CDH3: variants seen among roughly 807,000 people sequenced by gnomAD.
CDH3 encodes the protein cadherin-3.
CDH3 carries 54 observed loss-of-function variants against 82.0 expected under a neutral mutation model. The observed-to-expected ratio is 0.66, with a 90% confidence interval of 0.53 to 0.83. CDH3 has a LOEUF of 0.83. CDH3 is among the 40% of genes least tolerant of loss of function. CDH3 has a pLI of 0.00. For synonymous variants in CDH3, 446 were observed against 437.9 expected, an observed-to-expected ratio of 1.02 and a Z score of -0.23; for missense variants, 1,054 against 1,084.6, an observed-to-expected ratio of 0.97 and a Z score of 0.40.
chr16:68,703,462 C>A (rs1453217923), downstream of CDH3, among the ~76,000 whole-genome samples: 1 of 152,200 alleles, frequency 6.6e-6, no homozygotes, highest in East Asian at 1.9e-4. Context: ...CAGCCCACAC[C>A]CTGTGTGTCC....
intron 2 of CDH3, chr16:68,646,238 T>G (rs1383724315): frequency 6.0e-6 from 1 of 167,616 alleles, no homozygotes; most frequent in African/African-American, 2.4e-5. Context: ...CCGCCCCCCT[T>G]CTTCCTCGGC....
intron 7 of CDH3, 62 bp downstream of exon 7, chr16:68,680,036 G>C: frequency 6.6e-7 from 1 of 1,508,082 alleles, no homozygotes; most frequent in Admixed American, 1.7e-5. Flanking sequence ...AACTGACTCT[G>C]AGAGCAGAAG....
chr16:68,683,831 G>T (rs1289748513), intron 9 of CDH3, among the ~76,000 whole-genome samples: 3 of 151,812 alleles, frequency 2.0e-5, no homozygotes, highest in Non-Finnish European at 4.4e-5. Context: ...ACTTTGGGAG[G>T]CCGAGGCAGA....
intron 2 of CDH3, among the ~76,000 whole-genome samples, chr16:68,674,929 AT>A (rs1296024293): frequency 6.6e-6 from 1 of 151,712 alleles, no homozygotes; most frequent in Non-Finnish European, 1.5e-5. Context: ...CCTGGTCAAT[AT>A]GGTGAAACCC....
In CDH3 at chr16:68,698,194, C is replaced by G. The variant is rs769976143; in HGVS notation, c.2284C>G (p.Leu762Val). 3.7e-6 allele frequency: 6 copies of G among 1,614,182 alleles called. No homozygotes were observed. The highest frequency in any genetic ancestry group is 5.1e-6 in the Non-Finnish European group (6 of 1,180,016). Residue 762 changes from leucine (L) to valine (V), a missense_variant, in exon 16 of 16, where the codon CTG becomes GTG. By Grantham distance (32) the Leu-to-Val change is conservative. Transcript: ENST00000264012. ...TACCTGTTCTCTGTTGCCGCAGAAC[C>G]TGAAGGCGGCTAACACAGACCCCAC... ...DEIGNFIIEN[L>V]KAANTDPTAP...
At chr16:68,721,229 CTTTTTTTTT>C (rs71148941) in intron 1 of CDH3, among the ~76,000 whole-genome samples, 1 of 114,586 alleles carries the variant, frequency 8.7e-6, no homozygotes, top group African/African-American at 3.4e-5. Flanking sequence ...GCAGTTTAGT[CTTTTTTTTT>C]TTTTTTTTTT....
chr16:68,691,990 G>A lies in CDH3; in HGVS notation c.2002+64G>A, dbSNP rs953996775. Reference sequence around the variant, plus strand: ...GAGTTGAAAGACTGGATTCTACCTTGAGCTTTAACTCCTGGAACTAAGAGG... The same window carrying A: ...GAGTTGAAAGACTGGATTCTACCTTAAGCTTTAACTCCTGGAACTAAGAGG... On this transcript the variant is annotated intron_variant, in intron 13 of 15. Coordinates refer to ENST00000264012, the MANE Select transcript of CDH3 (RefSeq NM_001793.6). The A allele has an allele frequency of 6.6e-6, 9 of 1,357,328 alleles. No homozygotes were observed. In the African/African-American group the frequency reaches 7.2e-5, roughly 11 times the overall value. 84.1% of individuals were successfully genotyped at this position (1,357,328 alleles called of 1,614,324 possible).
chr16:68,672,197 A>AT (rs1555505646), intron 2 of CDH3, among the ~76,000 whole-genome samples: 53 of 52,812 alleles, frequency 1.0e-3, no homozygotes, highest in Admixed American at 1.4e-3. Flanking sequence ...TCTCAAAAAA[A>AT]AAAAAAATAA....
At chr16:68,701,582 C>A (rs1961895064), downstream of CDH3, among the ~76,000 whole-genome samples, 1 of 150,174 alleles carries the variant, frequency 6.7e-6, no homozygotes, top group Admixed American at 6.6e-5. Context: ...GTCTCACTCT[C>A]CCCCCGGGGC....
At chr16:68,679,432 G>A (rs1192694907) in intron 6 of CDH3, among the ~76,000 whole-genome samples, 6 of 152,138 alleles carry the variant, frequency 3.9e-5, no homozygotes, top group African/African-American at 2.4e-5. Context: ...GGTGGCCCAC[G>A]CCTGGAACCC....
At chr16:68,711,867 A>ATGCC in intron 1 of CDH3, among the ~76,000 whole-genome samples, 1 of 152,124 alleles carries the variant, frequency 6.6e-6, no homozygotes, top group Middle Eastern at 3.4e-3. Flanking sequence ...GGAACAAGGC[A>ATGCC]GCCCTGTCTA....
chr16:68,694,751 G>C (rs894214802), intron 13 of CDH3, among the ~76,000 whole-genome samples: 1 of 152,160 alleles, frequency 6.6e-6, no homozygotes, highest in Non-Finnish European at 1.5e-5. Context: ...CTAAAAGAGA[G>C]TCTCATTGAA....
At chr16:68,689,862 G>C (rs1961517605) in intron 12 of CDH3, among the ~76,000 whole-genome samples, 1 of 152,008 alleles carries the variant, frequency 6.6e-6, no homozygotes, top group Non-Finnish European at 1.5e-5. Context: ...GAAACGTGGG[G>C]GTTGTTTTTG....
At chr16:68,648,597 A>T (rs1177470516) in intron 2 of CDH3, among the ~76,000 whole-genome samples, 1 of 152,034 alleles carries the variant, frequency 6.6e-6, no homozygotes, top group Non-Finnish European at 1.5e-5. Context: ...GACCACAGAC[A>T]TGTGCTACCA....
intron 2 of CDH3, among the ~76,000 whole-genome samples, chr16:68,671,521 C>CT (rs34475405): frequency 0.34 from 41,546 of 121,548 alleles, 8,585 homozygotes; most frequent in East Asian, 0.53. Context: ...TTCATTTTAC[C>CT]TTTTTTTTTT....
chr16:68,651,225 G>C, intron 2 of CDH3: 1 of 527,402 alleles, frequency 1.9e-6, no homozygotes, highest in Non-Finnish European at 3.9e-6. Context: ...GCAGGGACAC[G>C]GAGGAGTTGT....
At chr16:68,702,227 T>C (rs1961906135), downstream of CDH3, among the ~76,000 whole-genome samples, 1 of 152,102 alleles carries the variant, frequency 6.6e-6, no homozygotes, top group African/African-American at 2.4e-5. Flanking sequence ...TTTCATAACA[T>C]GGCATATTGA....
chr16:68,696,154 C>T, intron 15 of CDH3: 1 of 559,474 alleles, frequency 1.8e-6, no homozygotes, highest in South Asian at 1.8e-5. Flanking sequence ...GGCACGGTGC[C>T]TCACGCCTGT....
Position 68,645,674 on chromosome 16 carries a change from G to A in CDH3, c.84G>A (p.Arg28=), listed in dbSNP as rs1485954187. 3 of 1,545,192 alleles carry A rather than the reference G, an allele frequency of 1.9e-6. No individual in the cohort carries two copies. The highest frequency in any genetic ancestry group is 2.6e-6 in the Non-Finnish European group (3 of 1,146,672). ...WLQCAASEPC[R]AVFREAEVTL... ...AGTGCGCGGCCTCCGAGCCGTGCCG[G>A]GCGGTCTTCAGGGAGGCTGAAGTGA... Residue 28 remains arginine (R), a synonymous_variant, in exon 2 of 16, where the codon CGG becomes CGA. Coordinates refer to ENST00000264012, the MANE Select transcript of CDH3 (RefSeq NM_001793.6).
Sources: allele counts gnomAD v4.1 joint callset (sites outside exome capture counted in the v4.1 genomes callset), GRCh38; gene constraint gnomAD v4.1.1; transcripts MANE v1.5; gene names NCBI Gene and HGNC (gene_info 2026-07-23, HGNC 2026-07-21).